ARFGEF3: variants seen among roughly 807,000 people sequenced by gnomAD.
ARFGEF3 encodes the protein ARFGEF family member 3.
Under a neutral mutation model 221.7 loss-of-function variants are expected in ARFGEF3, and 96 were observed. The ratio of observed to expected loss-of-function variants is 0.43; its 90% confidence interval spans 0.37 to 0.51. The LOEUF is 0.51. Among genes scored for constraint, ARFGEF3 ranks in the 20% least tolerant of loss-of-function variants. ARFGEF3 has a pLI of 0.00. For missense variants in ARFGEF3, 2,410 were observed against 2,789.9 expected (o/e 0.86, Z 3.07); for synonymous variants, 1,145 against 1,126.8 (o/e 1.02, Z -0.32).
intron 4 of ARFGEF3, among the ~76,000 whole-genome samples, chr6:138,227,534 C>T (rs959088154): frequency 1.3e-5 from 2 of 152,116 alleles, no homozygotes; most frequent in Non-Finnish European, 2.9e-5. Context: ...ATTTTCATAT[C>T]GTAAAGTGGT....
chr6:138,165,482 G>C (rs373039399), intron 1 of ARFGEF3, among the ~76,000 whole-genome samples: 1 of 149,046 alleles, frequency 6.7e-6, no homozygotes, highest in East Asian at 2.0e-4. Flanking sequence ...TCATGGGAGA[G>C]AGGGGGTCAT....
Position 138,344,008 on chromosome 6 carries a change from G to A in ARFGEF3, c.*7522G>A, listed in dbSNP as rs532197374. ...GACAGATAAGAATAAGATGTTTATTGCCCTAATCATGCTAAGAGACTATTA... is the reference window on the plus strand; with the variant it reads ...GACAGATAAGAATAAGATGTTTATTACCCTAATCATGCTAAGAGACTATTA... On this transcript the variant is annotated 3_prime_UTR_variant, in exon 34 of 34. Transcript: ENST00000251691. 6.6e-6 allele frequency: 1 copy of A among 152,212 alleles called. No individual in the cohort carries two copies. Among genetic ancestry groups the A allele is most frequent in the African/African-American group, 2.4e-5 (1 of 41,544 alleles). The allele number at this position is 152,212 out of a possible 1,614,324, so 9.4% of individuals were successfully genotyped here.
intron 2 of ARFGEF3, among the ~76,000 whole-genome samples, chr6:138,192,262 G>T (rs1272861228): frequency 5.3e-5 from 8 of 152,268 alleles, no homozygotes; most frequent in African/African-American, 1.9e-4. Context: ...GTCGAGGCAG[G>T]TGGCTCACCT....
chr6:138,341,368 C>T lies in ARFGEF3; in HGVS notation c.*4882C>T, dbSNP rs1355419600. On this transcript the variant is annotated 3_prime_UTR_variant, in exon 34 of 34. Transcript: ENST00000251691. ...GAGCCAGGTGCTAAGGGCATCAGGT[C>T]GACATCCATAGTAACCATGTGCCAT... 8.4e-5 allele frequency: 13 copies of T among 154,808 alleles called. No individual in the cohort carries two copies. Among genetic ancestry groups the T allele is most frequent in the Admixed American group, 6.5e-5 (1 of 15,282 alleles). The allele number at this position is 154,808 out of a possible 1,614,324, so 9.6% of individuals were successfully genotyped here. A position where few individuals can be genotyped will look rare whatever the true frequency, so the allele number is the denominator to read the frequency against.
At chr6:138,292,346 T>C (rs1290306843) in intron 19 of ARFGEF3, among the ~76,000 whole-genome samples, 2 of 151,680 alleles carry the variant, frequency 1.3e-5, no homozygotes, top group African/African-American at 4.8e-5. Context: ...ATTGGTAAAA[T>C]AGGGTCATTT....
Position 138,341,804 on chromosome 6 carries a change from A to G in ARFGEF3, c.*5318A>G, listed in dbSNP as rs942891721. 6.6e-6 allele frequency: 1 copy of G among 152,194 alleles called. No homozygotes were observed. Among genetic ancestry groups the G allele is most frequent in the African/African-American group, 2.4e-5 (1 of 41,454 alleles). 9.4% of individuals were successfully genotyped at this position (152,194 alleles called of 1,614,324 possible). ...TTTAGATTTCCAAAACACAATTCTT[A>G]TTTCAGGGAAGACAGACCAAAAATA... is the stretch of plus-strand genomic sequence containing the variant. On this transcript the variant is annotated 3_prime_UTR_variant, in exon 34 of 34. Transcript: ENST00000251691.
At chr6:138,195,223 T>G (rs191618436) in intron 2 of ARFGEF3, among the ~76,000 whole-genome samples, 70 of 151,996 alleles carry the variant, frequency 4.6e-4, no homozygotes, top group African/African-American at 1.6e-3. Context: ...AGGCTGGTCT[T>G]GAACTCCTGA....
At chr6:138,270,310 T>G (rs139192818) in intron 12 of ARFGEF3, among the ~76,000 whole-genome samples, 1 of 152,266 alleles carries the variant, frequency 6.6e-6, no homozygotes, top group East Asian at 1.9e-4. Context: ...TGTAATGTCA[T>G]TGGTGAATTC....
rs752168021 is a variant in ARFGEF3 at position 138,336,295 on chromosome 6, G to A, written c.6343G>A (p.Ala2115Thr). The A allele has an allele frequency of 5.8e-6, 9 of 1,540,676 alleles. No individual in the cohort carries two copies. The highest frequency in any genetic ancestry group is 3.9e-5 in the Admixed American group (2 of 51,268). ...SVRDAEAQIQ[A>T]WTNMVLTVLN... ...GATTTTCTTAAATCTTTTCTCTTAGGCATGGACCAACATGGTGCTAACAGT... is the reference window on the plus strand; with the variant it reads ...GATTTTCTTAAATCTTTTCTCTTAGACATGGACCAACATGGTGCTAACAGT... The change falls in exon 34 of 34, where the codon GCA (alanine) becomes ACA (threonine). Residue 2115 changes from alanine (A) to threonine (T), a missense_variant and splice_region_variant. This residue lies in a region of ARFGEF3 where 339 missense variants were observed against 334.9 expected (regional missense o/e 1.01). Coordinates refer to ENST00000251691, the MANE Select transcript of ARFGEF3 (RefSeq NM_020340.5).
rs536286801 is a variant in ARFGEF3 at position 138,297,081 on chromosome 6, A to G, written c.3648+126A>G. The G allele has an allele frequency of 6.7e-6, 7 of 1,041,640 alleles. No individual in the cohort carries two copies. The East Asian group carries it at 7.4e-5, about 11-fold the overall frequency. 64.5% of individuals were successfully genotyped at this position (1,041,640 alleles called of 1,614,324 possible). On this transcript the variant is annotated intron_variant, in intron 21 of 33. Transcript: ENST00000251691. Reference sequence around the variant, plus strand: ...GCCATTGGGCAGTGGGAACTTGCCTATCACCTGGTCACAAACATCACTGTT... The same window carrying G: ...GCCATTGGGCAGTGGGAACTTGCCTGTCACCTGGTCACAAACATCACTGTT...
chr6:138,330,613 T>G (rs910254196), intron 32 of ARFGEF3, among the ~76,000 whole-genome samples: 1 of 152,142 alleles, frequency 6.6e-6, no homozygotes, highest in South Asian at 2.1e-4. Flanking sequence ...GAGGTTGCAG[T>G]GAGCCGAGAT....
intron 13 of ARFGEF3, 51 bp from the exon 14 acceptor site, chr6:138,279,948 G>C: frequency 6.3e-7 from 1 of 1,587,876 alleles, no homozygotes; most frequent in South Asian, 1.1e-5. Context: ...TTAGGAGCCT[G>C]TTAGTGAGCA....
In ARFGEF3 at chr6:138,334,276, T is replaced by C; in HGVS notation, c.5430T>C (p.Ser1810=). The change falls in exon 33 of 34, where the codon TCT becomes TCC. Residue 1810 remains serine, a synonymous_variant. Coordinates refer to ENST00000251691, the MANE Select transcript of ARFGEF3 (RefSeq NM_020340.5). This position sits in a 1 kb window ranked among gnomAD's most constrained non-coding sequence, Gnocchi z 5.1. ...GCGCCGCCAACCTCTACCGCCAGTC[T>C]GCGATGAGCTTTAACATTTATTTCC... ...IGGAANLYRQ[S]AMSFNIYFHA... 6.2e-7 allele frequency: 1 copy of C among 1,613,812 alleles called. No individual in the cohort carries two copies. The highest frequency in any genetic ancestry group is 8.5e-7 in the Non-Finnish European group (1 of 1,179,824).
rs1175620397 is a variant in ARFGEF3 at position 138,338,123 on chromosome 6, A to G, written c.*1637A>G. Reference sequence around the variant, plus strand: ...GAATCCATTTTTTTCCCAGTTCCACAAAACACTCTGTTTGCCTTCAGTTTT... The same window carrying G: ...GAATCCATTTTTTTCCCAGTTCCACGAAACACTCTGTTTGCCTTCAGTTTT... On this transcript the variant is annotated 3_prime_UTR_variant, in exon 34 of 34. Coordinates refer to ENST00000251691, the MANE Select transcript of ARFGEF3 (RefSeq NM_020340.5). 2 of 152,254 alleles carry G rather than the reference A, an allele frequency of 1.3e-5. No individual in the cohort carries two copies. Among genetic ancestry groups the G allele is most frequent in the Non-Finnish European group, 2.9e-5 (2 of 68,048 alleles). The allele number at this position is 152,254 out of a possible 1,614,324, so 9.4% of individuals were successfully genotyped here.
At chr6:138,181,278 T>A (rs1451693081) in intron 2 of ARFGEF3, among the ~76,000 whole-genome samples, 1 of 152,204 alleles carries the variant, frequency 6.6e-6, no homozygotes, top group Non-Finnish European at 1.5e-5. Flanking sequence ...TATTTTAGGA[T>A]GTGCACGAAT....
At chr6:138,192,239 A>C (rs1777318255) in intron 2 of ARFGEF3, among the ~76,000 whole-genome samples, 1 of 152,164 alleles carries the variant, frequency 6.6e-6, no homozygotes, top group African/African-American at 2.4e-5. Flanking sequence ...CTGTAATCCT[A>C]GCACTTTGGG....
At chr6:138,280,193 C>T in intron 14 of ARFGEF3, 29 bp downstream of exon 14, 1 of 1,609,138 alleles carries the variant, frequency 6.2e-7, no homozygotes, top group Non-Finnish European at 8.5e-7. Flanking sequence ...GGCCTTGGGG[C>T]ACGTGGTAGG....
At chr6:138,259,951 T>A (rs1295303613) in intron 10 of ARFGEF3, among the ~76,000 whole-genome samples, 1 of 152,162 alleles carries the variant, frequency 6.6e-6, no homozygotes, top group African/African-American at 2.4e-5. Context: ...CCAGTGAATA[T>A]CTAATTTATT....
At chr6:138,265,673 C>T (rs1479054150) in intron 12 of ARFGEF3, among the ~76,000 whole-genome samples, 1 of 152,102 alleles carries the variant, frequency 6.6e-6, no homozygotes, top group Non-Finnish European at 1.5e-5. Flanking sequence ...CCACCCAAAT[C>T]CTCCTTCAAC....
Sources: allele counts gnomAD v4.1 joint callset (sites outside exome capture counted in the v4.1 genomes callset), GRCh38; gene constraint gnomAD v4.1.1; regional missense constraint gnomAD v4.1.1; non-coding constraint Gnocchi (gnomAD v3.1); transcripts MANE v1.5; gene names NCBI Gene and HGNC (gene_info 2026-07-23, HGNC 2026-07-21).